The following CHST11 variants were observed in gnomAD, a reference collection of about 807,000 sequenced individuals.
The protein encoded by CHST11 is C4S-1.
CHST11 carries 9 observed loss-of-function variants against 30.4 expected under a neutral mutation model. That is an observed-to-expected ratio of 0.30 (90% CI 0.18 to 0.52). The LOEUF is 0.52. Among genes scored for constraint, CHST11 ranks in the 20% least tolerant of loss-of-function variants. The probability of loss-of-function intolerance (pLI) is 0.97; values close to 1 mark genes in which losing one functional copy is unlikely to be tolerated. For missense variants in CHST11, 348 were observed against 460.6 expected, an observed-to-expected ratio of 0.76 and a Z score of 2.24; for synonymous variants, 152 against 187.8, an observed-to-expected ratio of 0.81 and a Z score of 1.56.
chr12:104,720,563 C>T (rs2040167283), intron 2 of CHST11, among the ~76,000 whole-genome samples: 1 of 152,222 alleles, frequency 6.6e-6, no homozygotes, highest in Non-Finnish European at 1.5e-5. Context: ...CACCTACCAC[C>T]CCTGTCCCCT....
At chr12:104,613,286 G>GATAGAT (rs1258771343) in intron 2 of CHST11, among the ~76,000 whole-genome samples, 1 of 151,636 alleles carries the variant, frequency 6.6e-6, no homozygotes, top group Non-Finnish European at 1.5e-5. Flanking sequence ...TAGATAGATA[G>GATAGAT]ATAGATATAG....
chr12:104,710,952 G>A (rs1036280451), intron 2 of CHST11, among the ~76,000 whole-genome samples: 1 of 152,158 alleles, frequency 6.6e-6, no homozygotes, highest in Non-Finnish European at 1.5e-5. Context: ...TAGTTCACCA[G>A]CTATTAGCCT....
At chr12:104,698,183 A>G (rs1177222854) in intron 2 of CHST11, among the ~76,000 whole-genome samples, 1 of 152,084 alleles carries the variant, frequency 6.6e-6, no homozygotes, top group Non-Finnish European at 1.5e-5. Flanking sequence ...ATGGCCTCTC[A>G]TTACCTGCAG....
chr12:104,679,678 C>T (rs1273604492), intron 2 of CHST11, among the ~76,000 whole-genome samples: 1 of 152,190 alleles, frequency 6.6e-6, no homozygotes, highest in African/African-American at 2.4e-5. Context: ...ACAGCCAGCA[C>T]TATCACCTGC....
At chr12:104,578,934 C>T (rs2038711305) in intron 1 of CHST11, among the ~76,000 whole-genome samples, 2 of 152,204 alleles carry the variant, frequency 1.3e-5, no homozygotes, top group South Asian at 4.1e-4. Flanking sequence ...GATTAATTAA[C>T]TCACGTAATG....
chr12:104,679,497 C>T (rs2039774307), intron 2 of CHST11, among the ~76,000 whole-genome samples: 1 of 152,140 alleles, frequency 6.6e-6, no homozygotes, highest in Non-Finnish European at 1.5e-5. Context: ...CTTCTTTGAC[C>T]TCCGCCCCGT....
At chr12:104,664,385 G>A (rs1257550732) in intron 2 of CHST11, among the ~76,000 whole-genome samples, 1 of 152,144 alleles carries the variant, frequency 6.6e-6, no homozygotes, top group Admixed American at 6.5e-5. Context: ...GAGACAGCAA[G>A]GCCTTTTTGT....
chr12:104,542,060 A>G (rs2038292170), intron 1 of CHST11, among the ~76,000 whole-genome samples: 2 of 152,254 alleles, frequency 1.3e-5, no homozygotes, highest in East Asian at 3.8e-4. Context: ...GGACCAAGTT[A>G]TGATAAGCAA....
intron 1 of CHST11, among the ~76,000 whole-genome samples, chr12:104,542,216 G>A (rs552528125): frequency 1.3e-5 from 2 of 152,278 alleles, no homozygotes; most frequent in African/African-American, 2.4e-5. Context: ...AAAATTAAAC[G>A]TAGAATTATC....
chr12:104,750,604 C>T (rs959530203), intron 2 of CHST11, among the ~76,000 whole-genome samples: 89 of 150,934 alleles, frequency 5.9e-4, no homozygotes, highest in African/African-American at 1.7e-3. Flanking sequence ...CCACCATGCC[C>T]GGCTAATTTT....
In CHST11 at chr12:104,669,765, A is replaced by G. The variant is rs550131535; in HGVS notation, c.204+67774A>G. On this transcript the variant is annotated intron_variant, in intron 2 of 2. Transcript: ENST00000303694. The stretch of plus-strand genomic sequence containing the variant: ...ACAGTTTTTCATCTGTTAAATGGGT[A>G]TGATGACAGCTCGTAGCTTACTTGC... Among the ~76,000 whole-genome samples, 3 of 152,334 alleles carry G rather than the reference A, an allele frequency of 2.0e-5. No individual in the cohort carries two copies. In the South Asian group the frequency reaches 6.2e-4, roughly 32 times the overall value.
At chr12:104,720,875 G>C (rs189334356) in intron 2 of CHST11, among the ~76,000 whole-genome samples, 7 of 152,282 alleles carry the variant, frequency 4.6e-5, no homozygotes, top group Admixed American at 2.6e-4. Context: ...TCTTATAGAC[G>C]CCGTTCACCT....
At chr12:104,497,642 T>C (rs2037812206) in intron 1 of CHST11, among the ~76,000 whole-genome samples, 1 of 152,202 alleles carries the variant, frequency 6.6e-6, no homozygotes, top group Non-Finnish European at 1.5e-5. Flanking sequence ...TAAGTTGTTT[T>C]CTGGGGTTTT....
chr12:104,593,564 A>G (rs1217338284), intron 1 of CHST11, among the ~76,000 whole-genome samples: 1 of 152,186 alleles, frequency 6.6e-6, no homozygotes, highest in Non-Finnish European at 1.5e-5. Flanking sequence ...TCGGGTCAAC[A>G]TTTGGGACTG....
At chr12:104,535,516 G>C in intron 1 of CHST11, among the ~76,000 whole-genome samples, 1 of 152,160 alleles carries the variant, frequency 6.6e-6, no homozygotes, top group East Asian at 1.9e-4. Context: ...TGACCATGCT[G>C]CATTCCACAG....
At chr12:104,462,429 A>T (rs2037418822) in intron 1 of CHST11, among the ~76,000 whole-genome samples, 1 of 152,146 alleles carries the variant, frequency 6.6e-6, no homozygotes. Flanking sequence ...ACTAGTTATT[A>T]AAGTTAAAGA....
intron 2 of CHST11, among the ~76,000 whole-genome samples, chr12:104,605,791 T>C (rs1284200528): frequency 1.3e-5 from 2 of 152,146 alleles, no homozygotes; most frequent in African/African-American, 4.8e-5. Flanking sequence ...CCGCTCTGGC[T>C]CAGTTCAGAG....
chr12:104,464,071 T>A (rs1016168828), intron 1 of CHST11, among the ~76,000 whole-genome samples: 4 of 150,440 alleles, frequency 2.7e-5, no homozygotes, highest in Non-Finnish European at 5.9e-5. Flanking sequence ...CTTGCACTTT[T>A]TTTTTTTTTT....
At chr12:104,711,354 T>C (rs1378994636) in intron 2 of CHST11, among the ~76,000 whole-genome samples, 2 of 152,248 alleles carry the variant, frequency 1.3e-5, no homozygotes, top group African/African-American at 2.4e-5. Flanking sequence ...TAAAAAATGC[T>C]TCTTACAAAA....
Sources: gnomAD v4.1 joint callset for allele counts (sites outside exome capture counted in the v4.1 genomes callset) on GRCh38, gnomAD v4.1.1 for gene constraint, MANE v1.5 for transcripts, NCBI Gene and HGNC (gene_info 2026-07-23, HGNC 2026-07-21) for gene names.